NMRK1: variants seen among roughly 807,000 people sequenced by gnomAD.
NMRK1 encodes nicotinamide riboside kinase 1.
A neutral mutation model predicts 29.9 loss-of-function variants in NMRK1; 28 were observed. The observed-to-expected ratio is 0.94, with a 90% CI of 0.69 to 1.28. The LOEUF (loss-of-function observed/expected upper bound fraction) is 1.28, where lower values mean the gene tolerates loss of function less well. NMRK1 is among the 50% of genes most tolerant of loss of function. The pLI is 0.00. For missense variants in NMRK1, 218 were observed against 233.1 expected (o/e 0.94, Z 0.42); for synonymous variants, 58 against 73.0 (o/e 0.79, Z 1.05).
At chr9:75,074,213 G>A (rs968059680) in intron 4 of NMRK1, among the ~76,000 whole-genome samples, 1 of 151,184 alleles carries the variant, frequency 6.6e-6, no homozygotes, top group African/African-American at 2.4e-5. Flanking sequence ...GTGAGTTACC[G>A]CACCTGGCCA....
At chr9:75,078,644 C>T (rs1824149318) in intron 2 of NMRK1, 1 of 894,402 alleles carries the variant, frequency 1.1e-6, no homozygotes, top group Non-Finnish European at 1.4e-6. Flanking sequence ...CCTTTATTTT[C>T]ATTGAATTCT....
At chr9:75,082,957 CCA>C (rs1271371090) in intron 2 of NMRK1, 128 bp downstream of exon 2, 1 of 705,010 alleles carries the variant, frequency 1.4e-6, no homozygotes, top group Non-Finnish European at 2.6e-6. Context: ...CACTGATATT[CCA>C]CAGTGGTCTG....
At chr9:75,075,860 T>C (rs374702350) in intron 4 of NMRK1, among the ~76,000 whole-genome samples, 1 of 152,160 alleles carries the variant, frequency 6.6e-6, no homozygotes, top group African/African-American at 2.4e-5. Context: ...GTGGCCAATG[T>C]AGCTACTTAT....
intron 8 of NMRK1, among the ~76,000 whole-genome samples, chr9:75,063,978 TTAAC>T (rs1270587286): frequency 7.9e-5 from 12 of 152,182 alleles, no homozygotes; most frequent in Non-Finnish European, 1.2e-4. Flanking sequence ...TTTTTAAACT[TTAAC>T]TAATATCTAG....
intron 4 of NMRK1, among the ~76,000 whole-genome samples, chr9:75,074,884 A>G (rs1240222112): frequency 6.6e-6 from 1 of 152,174 alleles, no homozygotes; most frequent in African/African-American, 2.4e-5. Context: ...TTTTTCCTTA[A>G]GATAGATTCC....
At chr9:75,078,601 G>T (rs917583380) in intron 2 of NMRK1, 1 of 1,223,066 alleles carries the variant, frequency 8.2e-7, no homozygotes, top group Non-Finnish European at 1.0e-6. Context: ...ATAAGTCAGG[G>T]CATCTGTGAA....
chr9:75,079,543 A>G (rs532712460), intron 2 of NMRK1, among the ~76,000 whole-genome samples: 1 of 152,336 alleles, frequency 6.6e-6, no homozygotes, highest in South Asian at 2.1e-4. Flanking sequence ...TGAGAAATAC[A>G]CACCCCATTT....
intron 1 of NMRK1, among the ~76,000 whole-genome samples, chr9:75,087,267 T>A (rs3758190): frequency 0.09 from 13,758 of 152,162 alleles, 726 homozygotes; most frequent in South Asian, 0.17. Context: ...GTAAACAGTT[T>A]TTTCTTTCCC....
Position 75,070,058 on chromosome 9 carries a change from C to T in NMRK1, c.170-16G>A. 5.0e-6 allele frequency: 8 copies of T among 1,600,676 alleles called. No individual in the cohort carries two copies. Among genetic ancestry groups the T allele is most frequent in the Non-Finnish European group, 6.8e-6 (8 of 1,175,392 alleles). On this transcript the variant is annotated splice_polypyrimidine_tract_variant and intron_variant, in intron 4 of 8. Coordinates refer to ENST00000361092, the MANE Select transcript of NMRK1 (RefSeq NM_017881.3). ...GCTTCAAGCACTTCAAACAAACACA[C>T]AAAAATATGCAATCAATATAGCACA...
chr9:75,061,534 G>A lies in NMRK1; in HGVS notation c.*14C>T, dbSNP rs955948970. 6.2e-7 allele frequency: 1 copy of A among 1,607,140 alleles called. No homozygotes were observed. The highest frequency in any genetic ancestry group is 8.5e-7 in the Non-Finnish European group (1 of 1,175,080). Reference sequence around the variant, plus strand: ...TCCTAATTCACTTCAGGAAGGATTTGTTGTGTTCCGTCTTTATGCTGTCAC... The same window carrying A: ...TCCTAATTCACTTCAGGAAGGATTTATTGTGTTCCGTCTTTATGCTGTCAC... On this transcript the variant is annotated 3_prime_UTR_variant, in exon 9 of 9. Coordinates refer to ENST00000361092, the MANE Select transcript of NMRK1 (RefSeq NM_017881.3).
chr9:75,064,441 C>T (rs1028020641), intron 8 of NMRK1, among the ~76,000 whole-genome samples: 3 of 152,170 alleles, frequency 2.0e-5, no homozygotes, highest in African/African-American at 7.2e-5. Context: ...CCCCTCCCTT[C>T]ACCCCACACC....
chr9:75,083,430 T>C (rs1824436094), intron 1 of NMRK1, among the ~76,000 whole-genome samples: 1 of 152,232 alleles, frequency 6.6e-6, no homozygotes, highest in Admixed American at 6.5e-5. Flanking sequence ...GAAGAACTGC[T>C]AGGCCACAGC....
chr9:75,068,692 C>A (rs549114661), intron 7 of NMRK1, among the ~76,000 whole-genome samples: 104 of 152,304 alleles, frequency 6.8e-4, no homozygotes, highest in African/African-American at 2.4e-3. Flanking sequence ...ATCTCTAGCA[C>A]CTGTTTCCAT....
Position 75,061,416 on chromosome 9 carries a change from G to A in NMRK1, c.*132C>T. ...GTTCCACATGTTGGGAAAACCATGTGCAATAAAAATCAAACATATGAAACA... is the reference window on the plus strand; with the variant it reads ...GTTCCACATGTTGGGAAAACCATGTACAATAAAAATCAAACATATGAAACA... On this transcript the variant is annotated 3_prime_UTR_variant, in exon 9 of 9. Transcript: ENST00000361092. 1.4e-6 allele frequency: 1 copy of A among 711,404 alleles called. No homozygotes were observed. The highest frequency in any genetic ancestry group is 2.4e-6 in the Non-Finnish European group (1 of 411,080). 44.1% of individuals were successfully genotyped at this position (711,404 alleles called of 1,614,324 possible). A position where few individuals can be genotyped will look rare whatever the true frequency, so the allele number is the denominator to read the frequency against.
chr9:75,079,479 A>G (rs1332241733), intron 2 of NMRK1, among the ~76,000 whole-genome samples: 2 of 152,256 alleles, frequency 1.3e-5, no homozygotes, highest in African/African-American at 4.8e-5. Context: ...AAGATCACGC[A>G]GTCAAACCAA....
chr9:75,077,642 T>C, intron 2 of NMRK1, 62 bp from the exon 3 acceptor site: 3 of 1,176,248 alleles, frequency 2.6e-6, no homozygotes, highest in Non-Finnish European at 3.7e-6. Context: ...TTAAACACTT[T>C]TTTTTTTTTG....
At chr9:75,081,571 T>C (rs1264857536) in intron 2 of NMRK1, among the ~76,000 whole-genome samples, 1 of 152,154 alleles carries the variant, frequency 6.6e-6, no homozygotes, top group African/African-American at 2.4e-5. Flanking sequence ...TATTGGGACA[T>C]TGAGAAGAGG....
intron 4 of NMRK1, among the ~76,000 whole-genome samples, chr9:75,073,888 C>T (rs1219558401): frequency 2.6e-5 from 4 of 152,044 alleles, no homozygotes; most frequent in South Asian, 2.1e-4. Context: ...ATCTTCCTGT[C>T]GAAGTAACTC....
intron 4 of NMRK1, among the ~76,000 whole-genome samples, chr9:75,074,815 A>C (rs1823899364): frequency 1.3e-5 from 2 of 152,228 alleles, no homozygotes; most frequent in South Asian, 4.1e-4. Context: ...TGTGCTCAGA[A>C]AGCCTTGACT....
Sources: allele counts gnomAD v4.1 joint callset (sites outside exome capture counted in the v4.1 genomes callset), GRCh38; gene constraint gnomAD v4.1.1; transcripts MANE v1.5; gene names NCBI Gene and HGNC (gene_info 2026-07-23, HGNC 2026-07-21).